The following ARHGEF7 variants were observed in gnomAD, a reference collection of about 807,000 sequenced individuals.
ARHGEF7 encodes the protein Rho guanine nucleotide exchange factor 7.
ARHGEF7 carries 33 observed loss-of-function variants against 109.8 expected under a neutral mutation model. That is an observed-to-expected ratio of 0.30 (90% CI 0.23 to 0.40). The LOEUF is 0.40. Ranked by LOEUF, ARHGEF7 falls within the 10% of genes least tolerant of loss-of-function variation. ARHGEF7 has a pLI of 1.00. For synonymous variants in ARHGEF7, 458 were observed against 424.6 expected, an observed-to-expected ratio of 1.08 and a Z score of -0.97; for missense variants, 938 against 1,098.5, an observed-to-expected ratio of 0.85 and a Z score of 2.07.
intron 9 of ARHGEF7, among the ~76,000 whole-genome samples, chr13:111,267,888 C>T (rs189877394): frequency 5.2e-4 from 79 of 152,168 alleles, no homozygotes; most frequent in African/African-American, 1.9e-3. Context: ...GTTTTCCCTA[C>T]AGCCTGAAGC....
At chr13:111,301,402 G>A (rs2093563922) in intron 20 of ARHGEF7, 76 bp from the exon 21 acceptor site, 6 of 1,238,088 alleles carry the variant, frequency 4.8e-6, no homozygotes, top group South Asian at 1.2e-5. Flanking sequence ...GCATCGTAGT[G>A]TCTCCTGGTA....
intron 17 of ARHGEF7, among the ~76,000 whole-genome samples, chr13:111,287,853 A>G (rs1044098811): frequency 3.3e-5 from 5 of 152,266 alleles, no homozygotes; most frequent in Non-Finnish European, 7.3e-5. Flanking sequence ...GGGTTTTCAC[A>G]GGACCACGGG....
rs2066668614 is a variant in ARHGEF7, at chr13:111,115,471, C to G, written c.-56C>G. ...CGGCGGCGGGGGCCGCGGGCCGGGC[C>G]GCCGCTCCGAGGTGAAGGCGCGCGC... On this transcript the variant is annotated 5_prime_UTR_variant, in exon 1 of 22. Coordinates refer to ENST00000646102, the MANE Select transcript of ARHGEF7 (RefSeq NM_001354046.2). 9.6e-7 allele frequency: 1 copy of G among 1,042,364 alleles called. No homozygotes were observed. Among genetic ancestry groups the G allele is most frequent in the East Asian group, 8.1e-5 (1 of 12,280 alleles). The allele number at this position is 1,042,364 out of a possible 1,614,324, so 64.6% of individuals were successfully genotyped here.
chr13:111,140,568 A>G (rs920699233), intron 1 of ARHGEF7, among the ~76,000 whole-genome samples: 12 of 152,230 alleles, frequency 7.9e-5, no homozygotes, highest in African/African-American at 2.9e-4. Context: ...AGCAGAGGCC[A>G]GTGAGAGTGG....
chr13:111,186,168 C>T (rs2079239111), intron 2 of ARHGEF7, among the ~76,000 whole-genome samples: 1 of 152,154 alleles, frequency 6.6e-6, no homozygotes, highest in Admixed American at 6.5e-5. Context: ...TGCGCCCGGT[C>T]TGCAGAAGGC....
chr13:111,142,693 T>A lies in ARHGEF7; in HGVS notation c.166-11212T>A, dbSNP rs568547418. On this transcript the variant is annotated intron_variant, in intron 1 of 21. Transcript: ENST00000646102. ...CCCAACTGCTATTTATAGAGAGATG[T>A]GCTTAACTGTGGATGTCCTCAGCTG... 8.4e-4 allele frequency among the ~76,000 whole-genome samples: 128 copies of A among 152,206 alleles called. 4 individuals carry two copies. The highest frequency in any genetic ancestry group is 5.1e-4 in the Non-Finnish European group (35 of 68,034).
intron 1 of ARHGEF7, among the ~76,000 whole-genome samples, chr13:111,126,793 A>G (rs1287381588): frequency 2.0e-5 from 3 of 152,206 alleles, no homozygotes; most frequent in Admixed American, 1.3e-4. Context: ...TGAATTCCTC[A>G]AATGAAATTC....
At position 111,209,894 on chromosome 13, in the gene ARHGEF7, C is replaced by T. The variant is rs267603759; in HGVS notation, c.360C>T (p.Ser120=). The T allele has an allele frequency of 8.1e-6, 13 of 1,613,982 alleles. No homozygotes were observed. The highest frequency in any genetic ancestry group is 1.7e-5 in the Admixed American group (1 of 59,988). Residue 120 remains serine (S), a synonymous_variant, in exon 4 of 22, where the codon TCC becomes TCT. Transcript: ENST00000646102. The part of the protein sequence containing the change: ...VTADIGLGSD[S]VCARPSSHRI... ...CAGACATCGGGCTGGGGAGTGACTC[C>T]GTGTGTGCCCGGCCCTCGTCTCACC...
upstream of ARHGEF7, chr13:111,115,118 C>G (rs970556685): frequency 6.7e-6 from 1 of 149,832 alleles, no homozygotes; most frequent in Non-Finnish European, 1.5e-5. Flanking sequence ...TCCCCGCTCC[C>G]CTTCCCCTTT....
In ARHGEF7 at chr13:111,115,611, G is replaced by T; in HGVS notation, c.85G>T (p.Gly29Cys). 1 of 1,415,036 alleles carries T rather than the reference G, an allele frequency of 7.1e-7. No individual in the cohort carries two copies. The highest frequency in any genetic ancestry group is 9.4e-7 in the Non-Finnish European group (1 of 1,068,404). The allele number at this position is 1,415,036 out of a possible 1,614,324, so 87.7% of individuals were successfully genotyped here. A position where few individuals can be genotyped will look rare whatever the true frequency, so the allele number is the denominator to read the frequency against. Residue 29 changes from glycine to cysteine, a missense_variant, in exon 1 of 22, where the codon GGC (glycine) becomes TGC (cysteine). Coordinates refer to ENST00000646102, the MANE Select transcript of ARHGEF7 (RefSeq NM_001354046.2). ...SPKKTISDPE[G>C]FLQASLKDGV... The stretch of plus-strand genomic sequence containing the variant: ...CAAAAAAACCATCTCGGACCCGGAG[G>T]GCTTTCTGCAGGCGTCGCTGAAGGA...
chr13:111,177,127 A>C (rs760338372), intron 2 of ARHGEF7, among the ~76,000 whole-genome samples: 5 of 152,204 alleles, frequency 3.3e-5, no homozygotes, highest in Non-Finnish European at 4.4e-5. Context: ...TCACCGAATT[A>C]ACTCATTTAA....
intron 2 of ARHGEF7, among the ~76,000 whole-genome samples, chr13:111,202,882 CA>C (rs2081360792): frequency 6.6e-6 from 1 of 152,232 alleles, no homozygotes; most frequent in Admixed American, 6.5e-5. Flanking sequence ...TTCCCCCTCT[CA>C]GGGGTAAGGA....
At chr13:111,282,255 C>G (rs932980138) in intron 15 of ARHGEF7, among the ~76,000 whole-genome samples, 3 of 152,192 alleles carry the variant, frequency 2.0e-5, no homozygotes, top group African/African-American at 4.8e-5. Flanking sequence ...GGCCCCACTC[C>G]GTTTCCAGTT....
intron 2 of ARHGEF7, among the ~76,000 whole-genome samples, chr13:111,191,837 G>T (rs2079926233): frequency 6.6e-6 from 1 of 152,158 alleles, no homozygotes; most frequent in Non-Finnish European, 1.5e-5. Context: ...GTAAATTGCT[G>T]TCAGAAGGAA....
chr13:111,140,510 G>T (rs561239309), intron 1 of ARHGEF7, among the ~76,000 whole-genome samples: 9 of 152,266 alleles, frequency 5.9e-5, no homozygotes, highest in African/African-American at 2.2e-4. Flanking sequence ...AGAGGGAACA[G>T]CTAGTGCGAG....
chr13:111,228,433 G>A lies in ARHGEF7; in HGVS notation c.671-4772G>A. Among the ~76,000 whole-genome samples the A allele has an allele frequency of 6.6e-6, 1 of 152,200 alleles. No individual in the cohort carries two copies. Among genetic ancestry groups the A allele is most frequent in the East Asian group, 1.9e-4 (1 of 5,204 alleles). On this transcript the variant is annotated intron_variant, in intron 5 of 21. Transcript: ENST00000646102. The surrounding 1 kb of genome is among the most constrained non-coding windows in gnomAD (Gnocchi z 4.6). ...TGAGTGGAGATGACCTCATCTCTGA[G>A]ACTTGCTGATGGTGCTTCCAGCAGA...
intron 2 of ARHGEF7, among the ~76,000 whole-genome samples, chr13:111,203,337 T>G (rs1000997490): frequency 6.6e-6 from 1 of 152,218 alleles, no homozygotes; most frequent in Admixed American, 6.5e-5. Flanking sequence ...TTAACCCGTA[T>G]TTGTTATAGG....
chr13:111,176,495 ACT>A (rs2078174218), intron 2 of ARHGEF7, among the ~76,000 whole-genome samples: 1 of 151,596 alleles, frequency 6.6e-6, no homozygotes, highest in South Asian at 2.1e-4. Flanking sequence ...CCTAGGTCCC[ACT>A]CTCTCCTTTC....
chr13:111,233,280 G>A lies in ARHGEF7; in HGVS notation c.746G>A (p.Ser249Asn), dbSNP rs1296341084. 9 of 1,613,732 alleles carry A rather than the reference G, an allele frequency of 5.6e-6. No individual in the cohort carries two copies. The Admixed American group carries it at 1.3e-4, about 24-fold the overall frequency. ...KGFDTTAINK[S>N]YYNVVLQNIL... is the part of the protein sequence containing the mutation. ...TTTGATACGACTGCCATAAACAAAA[G>A]CTATTACAATGTGGTGAGTAATTGC... The change falls in exon 6 of 22, where the codon AGC (serine) becomes AAC (asparagine). Residue 249 changes from serine (S) to asparagine (N), a missense_variant. Ser to Asn is a conservative substitution (Grantham distance 46). This residue lies in a region of ARHGEF7 where 585 missense variants were observed against 723.6 expected (regional missense o/e 0.81). Transcript: ENST00000646102.
Sources: gnomAD v4.1 joint callset for allele counts (sites outside exome capture counted in the v4.1 genomes callset) on GRCh38, gnomAD v4.1.1 for gene constraint, gnomAD v4.1.1 regional missense constraint, Gnocchi (gnomAD v3.1) non-coding constraint, MANE v1.5 for transcripts, NCBI Gene and HGNC (gene_info 2026-07-23, HGNC 2026-07-21) for gene names.